CNBD1: variants seen among roughly 807,000 people sequenced by gnomAD.
The protein encoded by CNBD1 is cyclic nucleotide-binding domain-containing protein 1.
CNBD1 carries 71 observed loss-of-function variants against 54.4 expected under a neutral mutation model. The observed-to-expected ratio is 1.30, with a 90% CI of 1.08 to 1.59. The LOEUF is 1.59. Among genes scored for constraint, CNBD1 ranks in the 40% most tolerant of loss-of-function variants. The probability of loss-of-function intolerance (pLI) is 0.00; values close to 1 mark genes in which losing one functional copy is unlikely to be tolerated. For synonymous variants in CNBD1, 182 were observed against 170.7 expected, an observed-to-expected ratio of 1.07 and a Z score of -0.51; for missense variants, 659 against 518.0, an observed-to-expected ratio of 1.27 and a Z score of -2.64.
At chr8:86,876,409 T>G (rs1808521449) in intron 1 of CNBD1, among the ~76,000 whole-genome samples, 2 of 152,068 alleles carry the variant, frequency 1.3e-5, no homozygotes, top group Admixed American at 1.3e-4. Flanking sequence ...TTTTTAATGA[T>G]ATATACTGTT....
intron 3 of CNBD1, among the ~76,000 whole-genome samples, chr8:86,906,518 A>G (rs1809020194): frequency 6.6e-6 from 1 of 152,064 alleles, no homozygotes; most frequent in African/African-American, 2.4e-5. Flanking sequence ...TACAATGCTT[A>G]TACTGTGATT....
intron 6 of CNBD1, among the ~76,000 whole-genome samples, chr8:87,258,091 G>A (rs1808056535): frequency 1.3e-5 from 2 of 152,130 alleles, no homozygotes; most frequent in East Asian, 1.9e-4. Flanking sequence ...AAAGAATTCT[G>A]TTTACCTGTC....
chr8:87,311,310 T>C (rs1276581604), intron 8 of CNBD1, among the ~76,000 whole-genome samples: 5 of 151,940 alleles, frequency 3.3e-5, no homozygotes, highest in Non-Finnish European at 5.9e-5. Context: ...AGATGCTTCT[T>C]AAAGAAGACA....
intron 3 of CNBD1, among the ~76,000 whole-genome samples, chr8:86,927,744 G>C (rs1809387432): frequency 6.6e-6 from 1 of 152,078 alleles, no homozygotes. Context: ...GACAAGGAGA[G>C]GTGTTAAAGA....
intron 8 of CNBD1, among the ~76,000 whole-genome samples, chr8:87,288,112 T>A (rs1160671011): frequency 3.3e-5 from 5 of 152,070 alleles, no homozygotes; most frequent in Non-Finnish European, 7.4e-5. Context: ...CAGAACCAGT[T>A]TGATACCTCC....
intron 6 of CNBD1, among the ~76,000 whole-genome samples, chr8:87,258,339 G>C (rs1263475698): frequency 2.0e-5 from 3 of 152,028 alleles, no homozygotes; most frequent in African/African-American, 7.2e-5. Flanking sequence ...ACTTAGATTT[G>C]CAAGCAGTCT....
At chr8:87,033,129 A>G (rs1247941391) in intron 4 of CNBD1, among the ~76,000 whole-genome samples, 1 of 152,232 alleles carries the variant, frequency 6.6e-6, no homozygotes, top group Non-Finnish European at 1.5e-5. Flanking sequence ...AATAACAATG[A>G]TGGCATCTTC....
chr8:86,973,715 G>C (rs1412957571), intron 4 of CNBD1, among the ~76,000 whole-genome samples: 1 of 152,134 alleles, frequency 6.6e-6, no homozygotes, highest in Non-Finnish European at 1.5e-5. Context: ...GTACTACCAG[G>C]TGGAATTCCA....
intron 10 of CNBD1, among the ~76,000 whole-genome samples, chr8:87,374,647 G>T (rs1481294573): frequency 6.6e-6 from 1 of 151,740 alleles, no homozygotes; most frequent in South Asian, 2.1e-4. Context: ...CATGTAACTG[G>T]CTCTGGTTAA....
intron 4 of CNBD1, among the ~76,000 whole-genome samples, chr8:86,987,499 C>G (rs1808635184): frequency 1.3e-5 from 2 of 152,070 alleles, no homozygotes; most frequent in Non-Finnish European, 2.9e-5. Flanking sequence ...TTATTTCTTT[C>G]TCTTGTCCAA....
chr8:86,940,866 T>C (rs1247389975), intron 4 of CNBD1, among the ~76,000 whole-genome samples: 1 of 152,220 alleles, frequency 6.6e-6, no homozygotes, highest in Non-Finnish European at 1.5e-5. Flanking sequence ...AAAAATACCA[T>C]TGTGGTATAA....
At chr8:87,079,039 A>C (rs1481415619) in intron 4 of CNBD1, among the ~76,000 whole-genome samples, 1 of 147,132 alleles carries the variant, frequency 6.8e-6, no homozygotes, top group Non-Finnish European at 1.5e-5. Context: ...TAGACCCAGG[A>C]AACTACCAAT....
At chr8:87,379,780 T>G (rs1473086784) in intron 10 of CNBD1, among the ~76,000 whole-genome samples, 1 of 151,806 alleles carries the variant, frequency 6.6e-6, no homozygotes, top group Non-Finnish European at 1.5e-5. Flanking sequence ...ATATAAAAAA[T>G]GAAATAATTT....
intron 6 of CNBD1, among the ~76,000 whole-genome samples, chr8:87,237,447 CTAAT>C (rs1211357042): frequency 1.3e-5 from 2 of 151,962 alleles, no homozygotes; most frequent in South Asian, 2.1e-4. Context: ...GACAGGAAGA[CTAAT>C]TGATTATGAA....
chr8:87,174,921 A>G (rs1366947042), intron 4 of CNBD1, among the ~76,000 whole-genome samples: 1 of 152,170 alleles, frequency 6.6e-6, no homozygotes, highest in African/African-American at 2.4e-5. Context: ...CTCCCAAATC[A>G]GTGAAGTCTT....
In CNBD1 at chr8:86,942,148, A is replaced by G. The variant is rs1041255675; in HGVS notation, c.431+2394A>G. Among the ~76,000 whole-genome samples, 6 of 152,320 alleles carry G rather than the reference A, an allele frequency of 3.9e-5. No homozygotes were observed. The South Asian group carries it at 6.2e-4, about 16-fold the overall frequency. ...AATTTGTGATTTAATCCTCACATCA[A>G]TGCTTTGAGGTAGCTATGACAAACT... On this transcript the variant is annotated intron_variant, in intron 4 of 10. Transcript: ENST00000518476.
intron 5 of CNBD1, among the ~76,000 whole-genome samples, chr8:87,229,032 C>T (rs187775324): frequency 6.6e-6 from 1 of 152,290 alleles, no homozygotes; most frequent in African/African-American, 2.4e-5. Flanking sequence ...TCCCTCACCC[C>T]TTTCTTTGAT....
downstream of CNBD1, among the ~76,000 whole-genome samples, chr8:87,386,589 A>G (rs1198412263): frequency 1.3e-5 from 2 of 152,232 alleles, no homozygotes; most frequent in African/African-American, 2.4e-5. Flanking sequence ...AAAAGCCTCC[A>G]AGAAATATGG....
chr8:87,410,392 G>C (rs750895815), intron 2 of CNBD1, among the ~76,000 whole-genome samples: 7 of 152,122 alleles, frequency 4.6e-5, no homozygotes, highest in Non-Finnish European at 1.0e-4. Context: ...TACTATTCTG[G>C]ATGCCATTAA....
Sources: gnomAD v4.1 joint callset for allele counts (sites outside exome capture counted in the v4.1 genomes callset) on GRCh38, gnomAD v4.1.1 for gene constraint, MANE v1.5 for transcripts, NCBI Gene and HGNC (gene_info 2026-07-23, HGNC 2026-07-21) for gene names.